The following ASAP2 variants were observed in gnomAD, a reference collection of about 807,000 sequenced individuals.
The protein encoded by ASAP2 is ArfGAP with SH3 domain, ankyrin repeat and PH domain 2, also known as arf-GAP with SH3 domain, ANK repeat and PH domain-containing protein 2.
A neutral mutation model predicts 131.4 loss-of-function variants in ASAP2; 45 were observed. The ratio of observed to expected loss-of-function variants is 0.34; its 90% CI spans 0.27 to 0.44. The LOEUF (loss-of-function observed/expected upper bound fraction) is 0.44. Ranked by LOEUF, ASAP2 falls within the 20% of genes least tolerant of loss-of-function variation. The pLI is 1.00. For missense variants in ASAP2, 1,011 were observed against 1,297.0 expected (o/e 0.78, Z 3.39); for synonymous variants, 510 against 503.0 (o/e 1.01, Z -0.19).
chr2:9,356,422 A>AT (rs1672707528), intron 14 of ASAP2, 77 bp downstream of exon 14: 2 of 1,438,800 alleles, frequency 1.4e-6, no homozygotes, highest in Non-Finnish European at 1.9e-6. Flanking sequence ...CCGTTCATTG[A>AT]TTTTCACTTT....
chr2:9,269,659 A>G (rs1666204284), intron 1 of ASAP2, among the ~76,000 whole-genome samples: 3 of 152,364 alleles, frequency 2.0e-5, no homozygotes, highest in Non-Finnish European at 4.4e-5. Context: ...GAACGGAGGA[A>G]GAGAAGCATG....
chr2:9,362,574 G>A (rs935487717), intron 15 of ASAP2, among the ~76,000 whole-genome samples: 22 of 152,038 alleles, frequency 1.4e-4, no homozygotes, highest in African/African-American at 1.7e-4. Context: ...TGTGGTGGCC[G>A]GCGCCTGTAA....
At chr2:9,343,859 A>T (rs1006300208) in intron 9 of ASAP2, among the ~76,000 whole-genome samples, 1 of 152,178 alleles carries the variant, frequency 6.6e-6, no homozygotes, top group Non-Finnish European at 1.5e-5. Context: ...GATAGGCTGG[A>T]ATTTCCCAAC....
chr2:9,304,369 C>T (rs1668687291), intron 3 of ASAP2, among the ~76,000 whole-genome samples: 1 of 151,144 alleles, frequency 6.6e-6, no homozygotes, highest in Non-Finnish European at 1.5e-5. Flanking sequence ...TAGGTGACCT[C>T]AAACTTAGAA....
chr2:9,360,538 T>C (rs1051002952), intron 15 of ASAP2, among the ~76,000 whole-genome samples: 1 of 152,150 alleles, frequency 6.6e-6, no homozygotes, highest in African/African-American at 2.4e-5. Context: ...CCCCAACAAA[T>C]GTTTAACAGT....
At chr2:9,245,043 G>A (rs1664239998) in intron 1 of ASAP2, among the ~76,000 whole-genome samples, 1 of 152,182 alleles carries the variant, frequency 6.6e-6, no homozygotes, top group Non-Finnish European at 1.5e-5. Context: ...TGCAGGCCTA[G>A]GTTTGGTTGT....
At chr2:9,337,931 T>C (rs1291034820) in intron 9 of ASAP2, among the ~76,000 whole-genome samples, 2 of 152,224 alleles carry the variant, frequency 1.3e-5, no homozygotes, top group Non-Finnish European at 2.9e-5. Flanking sequence ...AGTGCAATAT[T>C]ATACAATGAG....
chr2:9,325,137 T>C (rs1026040104), intron 6 of ASAP2, among the ~76,000 whole-genome samples: 3 of 152,246 alleles, frequency 2.0e-5, no homozygotes, highest in Non-Finnish European at 4.4e-5. Context: ...AGGGTTCTTA[T>C]AGACAGGAGA....
chr2:9,356,388 C>T lies in ASAP2; in HGVS notation c.1327+43C>T, dbSNP rs368561669. On this transcript the variant is annotated intron_variant, in intron 14 of 27. Coordinates refer to ENST00000281419, the MANE Select transcript of ASAP2 (RefSeq NM_003887.3). ...CCCGACCCTGGGCTCTAGGACATTT[C>T]AATCCCATTCTGATTCACAGAATCC... is the stretch of plus-strand genomic sequence containing the variant. The T allele has an allele frequency of 1.8e-4, 269 of 1,506,400 alleles. 2 individuals are homozygous for T. Among genetic ancestry groups the T allele is most frequent in the Non-Finnish European group, 2.3e-4 (257 of 1,124,036 alleles). 93.3% of individuals were successfully genotyped at this position (1,506,400 alleles called of 1,614,324 possible). A position where few individuals can be genotyped will look rare whatever the true frequency, so the allele number is the denominator to read the frequency against.
intron 1 of ASAP2, among the ~76,000 whole-genome samples, chr2:9,260,940 G>A (rs974645519): frequency 1.3e-5 from 2 of 152,196 alleles, no homozygotes; most frequent in Non-Finnish European, 2.9e-5. Flanking sequence ...GGTTACCCAG[G>A]GTGGTTAGGG....
intron 2 of ASAP2, among the ~76,000 whole-genome samples, chr2:9,283,440 G>A (rs1228157382): frequency 2.6e-5 from 4 of 152,126 alleles, no homozygotes; most frequent in Admixed American, 6.5e-5. Flanking sequence ...ACCCGACATG[G>A]GTCTCACTGG....
At chr2:9,297,099 A>C (rs150138147) in intron 2 of ASAP2, among the ~76,000 whole-genome samples, 1 of 152,100 alleles carries the variant, frequency 6.6e-6, no homozygotes, top group African/African-American at 2.4e-5. Context: ...CTTGCATACC[A>C]CACTTGTTCT....
At chr2:9,391,740 AT>A (rs33928425) in intron 23 of ASAP2, among the ~76,000 whole-genome samples, 3,524 of 128,446 alleles carry the variant, frequency 0.027, 139 homozygotes, top group Admixed American at 0.12. Flanking sequence ...ATGCTCAGCT[AT>A]TTTTTTTTTT....
At position 9,207,188 on chromosome 2, in the gene ASAP2, C is replaced by A. The variant is rs1291539907; in HGVS notation, c.84C>A (p.Thr28=). Residue 28 remains threonine, a synonymous_variant, in exon 1 of 28, where the codon ACC becomes ACA. Transcript: ENST00000281419. The surrounding 1 kb of genome is among the most constrained non-coding windows in gnomAD (Gnocchi z 4.1). ...YKAPTASSFT[T]RTAQCRNTVA... ...CGCCCACGGCCTCCAGCTTCACCAC[C>A]CGCACGGCGCAGTGCCGGAACACTG... 6.2e-7 allele frequency: 1 copy of A among 1,603,886 alleles called. No individual in the cohort carries two copies.
rs35495550 is a variant in ASAP2 at position 9,334,039 on chromosome 2, C to CTTTT, written c.687-676_687-673dup. Among the ~76,000 whole-genome samples, 216 of 53,296 alleles carry CTTTT rather than the reference C, an allele frequency of 4.1e-3. 23 individuals carry two copies. Among genetic ancestry groups the CTTTT allele is most frequent in the African/African-American group, 0.015 (208 of 14,078 alleles). The allele number at this position is 53,296 out of a possible 152,430, so 35.0% of individuals were successfully genotyped here. On this transcript the variant is annotated intron_variant, in intron 7 of 27. Coordinates refer to ENST00000281419, the MANE Select transcript of ASAP2 (RefSeq NM_003887.3). ...CTCTCTCTCTGTCTCTGTCTTTCTC[C>CTTTT]TTTTTTTTTTTTTTTTTTTTTTTTT...
At chr2:9,372,873 G>A (rs568122974) in intron 16 of ASAP2, among the ~76,000 whole-genome samples, 1 of 152,290 alleles carries the variant, frequency 6.6e-6, no homozygotes, top group Admixed American at 6.5e-5. Flanking sequence ...CACAGCTTTG[G>A]GATGTGGGGG....
chr2:9,211,682 G>A (rs1340522926), intron 1 of ASAP2, among the ~76,000 whole-genome samples: 12 of 152,194 alleles, frequency 7.9e-5, no homozygotes, highest in Non-Finnish European at 1.8e-4. Flanking sequence ...CTAACTGCAG[G>A]GGTGGGGTGA....
intron 1 of ASAP2, among the ~76,000 whole-genome samples, chr2:9,264,352 G>T (rs35770426): frequency 9.9e-5 from 15 of 152,084 alleles, no homozygotes; most frequent in Non-Finnish European, 1.0e-4. Flanking sequence ...GGGGGGGCCC[G>T]TGCTGGCGTC....
chr2:9,367,770 G>C (rs1300650156), intron 15 of ASAP2, among the ~76,000 whole-genome samples: 1 of 152,142 alleles, frequency 6.6e-6, no homozygotes, highest in Admixed American at 6.6e-5. Context: ...TCAAAAAAAA[G>C]AATGTGTTAA....
Sources: allele counts gnomAD v4.1 joint callset (sites outside exome capture counted in the v4.1 genomes callset), GRCh38; gene constraint gnomAD v4.1.1; non-coding constraint Gnocchi (gnomAD v3.1); transcripts MANE v1.5; gene names NCBI Gene and HGNC (gene_info 2026-07-23, HGNC 2026-07-21).